Variants in AARS1 observed in about 807,000 individuals in gnomAD.
AARS1 encodes alanyl-tRNA synthetase 1.
In AARS1, 72 loss-of-function variants were observed where a neutral mutation model predicts 108.9. The observed-to-expected ratio is 0.66, with a 90% CI of 0.55 to 0.80. AARS1 has a LOEUF of 0.80. Among genes scored for constraint, AARS1 ranks in the 30% least tolerant of loss-of-function variants. AARS1 has a pLI of 0.00. For missense variants in AARS1, 1,193 were observed against 1,233.2 expected (o/e 0.97, Z 0.49); for synonymous variants, 489 against 465.7 (o/e 1.05, Z -0.64).
At chr16:70,279,366 A>T (rs1960635348) in intron 2 of AARS1, among the ~76,000 whole-genome samples, 1 of 148,914 alleles carries the variant, frequency 6.7e-6, no homozygotes, top group Non-Finnish European at 1.5e-5. Flanking sequence ...AAAAAAAAAA[A>T]AAAAAAAAAA....
At chr16:70,283,766 C>T (rs1960768861) in intron 1 of AARS1, among the ~76,000 whole-genome samples, 2 of 152,198 alleles carry the variant, frequency 1.3e-5, no homozygotes, top group Admixed American at 6.6e-5. Flanking sequence ...ATGTAGCCTA[C>T]ATCCCCCAAG....
At chr16:70,265,331 G>T (rs1960236912) in intron 10 of AARS1, 6 of 944,244 alleles carry the variant, frequency 6.4e-6, no homozygotes, top group Non-Finnish European at 8.3e-6. Flanking sequence ...AGCAGGATCT[G>T]CCCCTAGTTG....
At chr16:70,284,032 C>A (rs1037947758) in intron 1 of AARS1, among the ~76,000 whole-genome samples, 7 of 151,752 alleles carry the variant, frequency 4.6e-5, no homozygotes, top group Non-Finnish European at 1.0e-4. Context: ...GGCAACATAG[C>A]AAGATCTTGT....
intron 2 of AARS1, among the ~76,000 whole-genome samples, chr16:70,279,350 CAAAAAA>C (rs57438636): frequency 1.1e-4 from 4 of 37,806 alleles, no homozygotes; most frequent in East Asian, 9.7e-4. Context: ...AACTTCATCT[CAAAAAA>C]AAAAAAAAAA....
intron 12 of AARS1, 78 bp downstream of exon 12, chr16:70,262,268 G>GAGCA: frequency 6.4e-7 from 1 of 1,570,658 alleles, no homozygotes; most frequent in Non-Finnish European, 8.8e-7. Flanking sequence ...CCAAGGCCTG[G>GAGCA]AGCACTGTGG....
At chr16:70,266,964 G>A (rs1960278041) in intron 9 of AARS1, among the ~76,000 whole-genome samples, 1 of 152,102 alleles carries the variant, frequency 6.6e-6, no homozygotes, top group Non-Finnish European at 1.5e-5. Context: ...AGCCTCCCAA[G>A]TAGCTGGGAT....
chr16:70,264,879 A>G, intron 11 of AARS1, 79 bp downstream of exon 11: 1 of 1,580,218 alleles, frequency 6.3e-7, no homozygotes. Flanking sequence ...CTGGAGAGCT[A>G]ATCTTGAGAA....
chr16:70,260,839 T>C (rs2152155570), intron 13 of AARS1, among the ~76,000 whole-genome samples: 1 of 152,240 alleles, frequency 6.6e-6, no homozygotes, highest in Non-Finnish European at 1.5e-5. Flanking sequence ...ATTTTTTATA[T>C]TTTTAGTAGA....
At chr16:70,289,361 C>G (rs1408871960) in intron 1 of AARS1, 60 bp downstream of exon 1, 1 of 355,836 alleles carries the variant, frequency 2.8e-6, no homozygotes, top group Non-Finnish European at 5.6e-6. Context: ...GGAGCTTTCC[C>G]CCCAGTCTGC....
At chr16:70,254,472 C>T (rs1373997368) in intron 17 of AARS1, 149 bp downstream of exon 17, 1 of 686,098 alleles carries the variant, frequency 1.5e-6, no homozygotes, top group African/African-American at 1.8e-5. Context: ...CCATGGGGTC[C>T]CTGCTACAAG....
rs538766487 is a variant in AARS1, at chr16:70,260,008, G to A, written c.1786-822C>T. ...GCTGGTCTCGAACTCCCGACCTCAGGTGATCTGCTCGCCTCGGCCTCCCAA... is the reference window on the plus strand; with the variant it reads ...GCTGGTCTCGAACTCCCGACCTCAGATGATCTGCTCGCCTCGGCCTCCCAA... On this transcript the variant is annotated intron_variant, in intron 13 of 20. Transcript: ENST00000261772. 2.1e-4 allele frequency among the ~76,000 whole-genome samples: 32 copies of A among 152,268 alleles called. 1 individual carries two copies. The highest frequency in any genetic ancestry group is 8.3e-4 in the South Asian group (4 of 4,826).
At chr16:70,262,891 C>G (rs1960168455) in intron 11 of AARS1, among the ~76,000 whole-genome samples, 1 of 137,836 alleles carries the variant, frequency 7.3e-6, no homozygotes, top group Non-Finnish European at 1.5e-5. Context: ...TGGCGTGAAC[C>G]CAGGAGGCGG....
In AARS1 at chr16:70,270,344, T is replaced by C; in HGVS notation, c.672-4A>G. ...TTTCAGAATGCCATCAGCTTCCCTG[T>C]ATGATCCAGAAGAAGAGGAGGTTGA... On this transcript the variant is annotated splice_polypyrimidine_tract_variant and splice_region_variant and intron_variant, in intron 5 of 20. Coordinates refer to ENST00000261772, the MANE Select transcript of AARS1 (RefSeq NM_001605.3). The C allele has an allele frequency of 1.9e-6, 3 of 1,614,164 alleles. No homozygotes were observed. The highest frequency in any genetic ancestry group is 1.7e-6 in the Non-Finnish European group (2 of 1,180,012).
chr16:70,288,560 G>A (rs1182122336), intron 1 of AARS1, among the ~76,000 whole-genome samples: 1 of 137,106 alleles, frequency 7.3e-6, no homozygotes, highest in Non-Finnish European at 1.5e-5. Flanking sequence ...CGACTGTTCT[G>A]GGCTCTTTTT....
chr16:70,267,941 G>A lies in AARS1; in HGVS notation c.1072-132C>T. On this transcript the variant is annotated intron_variant, in intron 8 of 20. Transcript: ENST00000261772. ...CTACCACTTTGGGAAGCCGAGGCAG[G>A]TGGATTGCCTGAGCTCAGGAGTTCA... 2.3e-6 allele frequency: 3 copies of A among 1,286,796 alleles called. No homozygotes were observed. In the South Asian group the frequency reaches 3.7e-5, roughly 16 times the overall value. The allele number at this position is 1,286,796 out of a possible 1,614,324, so 79.7% of individuals were successfully genotyped here.
chr16:70,289,067 AATTT>A (rs1406983572), intron 1 of AARS1, among the ~76,000 whole-genome samples: 1 of 152,070 alleles, frequency 6.6e-6, no homozygotes, highest in Admixed American at 6.6e-5. Context: ...CTGTTTAGTT[AATTT>A]TAAGAAATCA....
Position 70,264,983 on chromosome 16 carries a change from G to A in AARS1, c.1467C>T (p.Tyr489=). The A allele has an allele frequency of 6.2e-7, 1 of 1,614,124 alleles. No individual in the cohort carries two copies. Among genetic ancestry groups the A allele is most frequent in the Non-Finnish European group, 8.5e-7 (1 of 1,180,022 alleles). ...EVTDDSPKYN[Y]HLDSSGSYVF... ...CATAGCTACCACTGGAGTCCAAATG[G>A]TAATTGTACTTTGGGGAATCATCTG... The change falls in exon 11 of 21, where the codon TAC becomes TAT. Residue 489 remains tyrosine, a synonymous_variant. Transcript: ENST00000261772.
intron 7 of AARS1, 69 bp from the exon 8 acceptor site, chr16:70,268,448 T>C (rs1158985194): frequency 5.9e-6 from 8 of 1,346,828 alleles, no homozygotes; most frequent in Admixed American, 3.5e-5. Flanking sequence ...CTTGGAATCC[T>C]ACCCAAAGCA....
intron 5 of AARS1, 139 bp from the exon 6 acceptor site, chr16:70,270,479 G>A (rs938455249): frequency 1.0e-5 from 10 of 991,504 alleles, no homozygotes; most frequent in Admixed American, 2.0e-5. Flanking sequence ...TGGGAAGAGG[G>A]AAGTGGAGGG....
Sources: allele counts gnomAD v4.1 joint callset (sites outside exome capture counted in the v4.1 genomes callset), GRCh38; gene constraint gnomAD v4.1.1; transcripts MANE v1.5; gene names NCBI Gene and HGNC (gene_info 2026-07-23, HGNC 2026-07-21).